Variants in NRL observed in about 807,000 individuals in gnomAD.
The protein encoded by NRL is neural retina-specific leucine zipper protein.
NRL carries 16 observed loss-of-function variants against 12.5 expected under a neutral mutation model. The observed-to-expected ratio is 1.28, with a 90% CI of 0.87 to 1.95. NRL has a LOEUF of 1.95. NRL is among the 30% of genes most tolerant of loss of function. The pLI is 0.00. For synonymous variants in NRL, 142 were observed against 150.9 expected (o/e 0.94, Z 0.43); for missense variants, 314 against 325.8 (o/e 0.96, Z 0.28).
At position 24,079,400 on chromosome 14, in the gene NRL, T is replaced by G. The variant is rs2036211750; in HGVS notation, c.*1836A>C. Reference sequence around the variant, plus strand: ...CCCATCCTCTCCCTTCAACAATGAGTGTGGAAGGGGATGAAGAAAGAGAAG... The same window carrying G: ...CCCATCCTCTCCCTTCAACAATGAGGGTGGAAGGGGATGAAGAAAGAGAAG... On this transcript the variant is annotated 3_prime_UTR_variant, in exon 3 of 3. Transcript: ENST00000561028. 6.6e-6 allele frequency among the ~76,000 whole-genome samples: 1 copy of G among 151,402 alleles called. No homozygotes were observed. The highest frequency in any genetic ancestry group is 2.1e-4 in the South Asian group (1 of 4,794).
intron 1 of NRL, chr14:24,103,583 C>G: frequency 1.9e-6 from 3 of 1,603,280 alleles, no homozygotes; most frequent in Non-Finnish European, 2.6e-6. Context: ...ACCTGGAACA[C>G]TGGCTGAGCA....
chr14:24,098,991 C>A, intron 1 of NRL: 1 of 1,369,604 alleles, frequency 7.3e-7, no homozygotes, highest in Non-Finnish European at 1.0e-6. Flanking sequence ...TCCCTCTGGC[C>A]CCGACACCCC....
At chr14:24,093,961 C>T (rs1466173262) in intron 1 of NRL, 2 of 500,876 alleles carry the variant, frequency 4.0e-6, no homozygotes, top group Admixed American at 8.2e-5. Flanking sequence ...CTGTAGTCTC[C>T]CGCCCCTGGC....
rs976225593 is a variant in NRL, at chr14:24,082,317, G to C, written c.381+151C>G. ...GGGAGAAGCAGAATGTAGTTTTCTC[G>C]ATCTGATTGCTTTCAAGGGACCTTC... On this transcript the variant is annotated intron_variant, in intron 2 of 2. Coordinates refer to ENST00000561028, the MANE Select transcript of NRL (RefSeq NM_001354768.3). 10 of 981,796 alleles carry C rather than the reference G, an allele frequency of 1.0e-5. No individual in the cohort carries two copies. In the Admixed American group the frequency reaches 1.1e-4, roughly 11 times the overall value. 60.8% of individuals were successfully genotyped at this position (981,796 alleles called of 1,614,324 possible). A position where few individuals can be genotyped will look rare whatever the true frequency, so the allele number is the denominator to read the frequency against.
rs199691910 is a variant in NRL, at chr14:24,082,650, G to A, written c.199C>T (p.Pro67Ser). Reference protein sequence around the residue: ...GMVGATEGTRPGLEELYWLAT... With the variant: ...GMVGATEGTRSGLEELYWLAT... ...AGCCAGTACAGCTCCTCCAGGCCTG[G>A]CCGGGTGCCCTCGGTTGCCCCCACC... is the stretch of plus-strand genomic sequence containing the variant. The change falls in exon 2 of 3, where the codon CCA becomes TCA. Residue 67 changes from proline (P) to serine (S), a missense_variant. Coordinates refer to ENST00000561028, the MANE Select transcript of NRL (RefSeq NM_001354768.3). The A allele has an allele frequency of 6.3e-5, 102 of 1,613,942 alleles. No individual in the cohort carries two copies. The highest frequency in any genetic ancestry group is 1.6e-4 in the Middle Eastern group (1 of 6,084).
Position 24,081,718 on chromosome 14 carries a change from G to C in NRL, c.382-150C>G, listed in dbSNP as rs1348087174. The C allele has an allele frequency of 2.0e-6, 3 of 1,523,662 alleles. No homozygotes were observed. Among genetic ancestry groups the C allele is most frequent in the African/African-American group, 2.8e-5 (2 of 72,160 alleles). 94.4% of individuals were successfully genotyped at this position (1,523,662 alleles called of 1,614,324 possible). On this transcript the variant is annotated intron_variant, in intron 2 of 2. Coordinates refer to ENST00000561028, the MANE Select transcript of NRL (RefSeq NM_001354768.3). This position sits in a 1 kb window ranked among gnomAD's most constrained non-coding sequence, Gnocchi z 4.4. ...CTCGCCCTTCCACGCAGTCTGTTTC[G>C]GTCCAGAGCCCGCCCCAGGCCCCGA...
chr14:24,105,340 CA>C (rs891933982), intron 1 of NRL, among the ~76,000 whole-genome samples: 2 of 152,262 alleles, frequency 1.3e-5, no homozygotes, highest in African/African-American at 4.8e-5. Context: ...CCATCACAAA[CA>C]TGTCACAGTG....
Position 24,082,828 on chromosome 14 carries a change from GGGGCTGGGGGGCAGGGCCATTCTGGAGCT to G in NRL, c.-9_20del, listed in dbSNP as rs774699548. The stretch of plus-strand genomic sequence containing the variant: ...AGTCATTGACATATTCCATGGCCAG[GGGGCTGGGGGGCAGGGCCATTCTGGAGCT>G]GGGCTGGGAGGAGTGCACCTGCAAA... On this transcript the variant is annotated start_lost and 5_prime_UTR_variant, in exon 2 of 3. Transcript: ENST00000561028. 4.3e-6 allele frequency: 7 copies of G among 1,613,302 alleles called. No homozygotes were observed. In the South Asian group the frequency reaches 6.6e-5, roughly 15 times the overall value.
At chr14:24,090,585 A>G (rs2036596051) in intron 1 of NRL, among the ~76,000 whole-genome samples, 1 of 152,204 alleles carries the variant, frequency 6.6e-6, no homozygotes, top group Non-Finnish European at 1.5e-5. Flanking sequence ...TGGAACAATG[A>G]GCATCATGAT....
At chr14:24,106,858 T>C (rs1264676214) in intron 1 of NRL, among the ~76,000 whole-genome samples, 2 of 152,190 alleles carry the variant, frequency 1.3e-5, no homozygotes, top group Non-Finnish European at 2.9e-5. Flanking sequence ...AAACACATAG[T>C]AGACTTGAGC....
Position 24,081,394 on chromosome 14 carries a change from C to A in NRL, c.556G>T (p.Gly186Trp). The A allele has an allele frequency of 6.8e-7, 1 of 1,479,842 alleles. No individual in the cohort carries two copies. Among genetic ancestry groups the A allele is most frequent in the Non-Finnish European group, 8.9e-7 (1 of 1,117,674 alleles). 91.7% of individuals were successfully genotyped at this position (1,479,842 alleles called of 1,614,324 possible). A position where few individuals can be genotyped will look rare whatever the true frequency, so the allele number is the denominator to read the frequency against. ...AGGCGGGCGCGCTCGGCCTCCAGCC[C>A]GCGCCGCTGCTGCAGCCGCTTGGAG... ...CRSKRLQQRR[G>W]LEAERARLAA... The change falls in exon 3 of 3, where the codon GGG becomes TGG. Residue 186 changes from glycine (G) to tryptophan (W), a missense_variant. By Grantham distance (184) the Gly-to-Trp change is radical. Coordinates refer to ENST00000561028, the MANE Select transcript of NRL (RefSeq NM_001354768.3). This position sits in a 1 kb window ranked among gnomAD's most constrained non-coding sequence, Gnocchi z 4.4.
In NRL at chr14:24,079,443, C is replaced by A. The variant is rs1278564362; in HGVS notation, c.*1793G>T. Among the ~76,000 whole-genome samples, 1 of 152,160 alleles carries A rather than the reference C, an allele frequency of 6.6e-6. No homozygotes were observed. The highest frequency in any genetic ancestry group is 1.5e-5 in the Non-Finnish European group (1 of 68,032). On this transcript the variant is annotated 3_prime_UTR_variant, in exon 3 of 3. Transcript: ENST00000561028. Reference sequence around the variant, plus strand: ...AAGAGAAGCTAAAGGTTCTGTGAGCCCCTCAGAGAGAGAATCCAGAGCCAG... The same window carrying A: ...AAGAGAAGCTAAAGGTTCTGTGAGCACCTCAGAGAGAGAATCCAGAGCCAG...
At chr14:24,114,031 C>CGCAGGAGGGG (rs552188952) in intron 1 of NRL, among the ~76,000 whole-genome samples, 5,776 of 152,112 alleles carry the variant, frequency 0.038, 127 homozygotes, top group Admixed American at 0.045. Context: ...CTCATAAACC[C>CGCAGGAGGGG]GCAGGAGGGG....
At position 24,082,675 on chromosome 14, in the gene NRL, C is replaced by T; in HGVS notation, c.174G>A (p.Met58Ile). 6.2e-7 allele frequency: 1 copy of T among 1,614,148 alleles called. No individual in the cohort carries two copies. The highest frequency in any genetic ancestry group is 1.1e-5 in the South Asian group (1 of 91,088). ...GCCGGGTGCCCTCGGTTGCCCCCAC[C>T]ATGCCTGGTTCACTGAAGGTGGGTG... ...PPSPTFSEPG[M>I]VGATEGTRPG... The change falls in exon 2 of 3, where the codon ATG (methionine) becomes ATA (isoleucine). Residue 58 changes from methionine (M) to isoleucine (I), a missense_variant. Transcript: ENST00000561028.
At chr14:24,099,046 C>T (rs2037031024) in intron 1 of NRL, 1 of 1,597,868 alleles carries the variant, frequency 6.3e-7, no homozygotes, top group Non-Finnish European at 8.6e-7. Flanking sequence ...CCATTGTCCC[C>T]AGGGGAGCCA....
In NRL at chr14:24,094,353, C is replaced by A; in HGVS notation, c.-27-11478G>T. ...GCTCCCTCCTTCCCCGCCTTCCATA[C>A]CTCCCCGGCTCCGCTCGGTTCCTGG... On this transcript the variant is annotated intron_variant, in intron 1 of 2. Coordinates refer to ENST00000561028, the MANE Select transcript of NRL (RefSeq NM_001354768.3). The surrounding 1 kb of genome is among the most constrained non-coding windows in gnomAD (Gnocchi z 4.1). 1.3e-6 allele frequency: 2 copies of A among 1,504,938 alleles called. No homozygotes were observed. Among genetic ancestry groups the A allele is most frequent in the Non-Finnish European group, 8.9e-7 (1 of 1,117,616 alleles). 93.2% of individuals were successfully genotyped at this position (1,504,938 alleles called of 1,614,324 possible).
intron 1 of NRL, among the ~76,000 whole-genome samples, chr14:24,106,805 T>C (rs769341002): frequency 5.3e-5 from 8 of 152,084 alleles, no homozygotes; most frequent in Non-Finnish European, 1.0e-4. Flanking sequence ...ATAAATAGCA[T>C]ATGATAACTG....
chr14:24,084,853 C>G (rs1370927241), intron 1 of NRL: 1 of 344,974 alleles, frequency 2.9e-6, no homozygotes, highest in African/African-American at 2.2e-5. Flanking sequence ...ATCCGACTCC[C>G]AAGTGCTCAG....
chr14:24,084,402 G>C (rs775615638), intron 1 of NRL: 1 of 260,644 alleles, frequency 3.8e-6, no homozygotes, highest in African/African-American at 2.3e-5. Context: ...GTCAGGGTGG[G>C]AGTGGAGTAG....
Sources: allele counts gnomAD v4.1 joint callset (sites outside exome capture counted in the v4.1 genomes callset), GRCh38; gene constraint gnomAD v4.1.1; non-coding constraint Gnocchi (gnomAD v3.1); transcripts MANE v1.5; gene names NCBI Gene and HGNC (gene_info 2026-07-23, HGNC 2026-07-21).